ABCB1: variants seen among roughly 807,000 people sequenced by gnomAD.
ABCB1 encodes ATP binding cassette subfamily B member 1.
A neutral mutation model predicts 142.0 loss-of-function variants in ABCB1; 69 were observed. That is an observed-to-expected ratio of 0.49 (90% CI 0.40 to 0.59). The LOEUF is 0.59. Among genes scored for constraint, ABCB1 ranks in the 20% least tolerant of loss-of-function variants. The pLI, the probability that ABCB1 is intolerant of heterozygous loss-of-function variation, is 0.00. For synonymous variants in ABCB1, 532 were observed against 539.2 expected, an observed-to-expected ratio of 0.99 and a Z score of 0.18; for missense variants, 1,326 against 1,554.7, an observed-to-expected ratio of 0.85 and a Z score of 2.47.
At chr7:87,700,641 G>A in intron 1 of ABCB1, 1 of 1,255,208 alleles carries the variant, frequency 8.0e-7, no homozygotes, top group Non-Finnish European at 1.1e-6. Context: ...TACTTACTAT[G>A]AATTTCCTTT....
chr7:87,582,152 G>A (rs1818536434), intron 4 of ABCB1, among the ~76,000 whole-genome samples: 1 of 152,160 alleles, frequency 6.6e-6, no homozygotes, highest in African/African-American at 2.4e-5. Flanking sequence ...TGGAAGGATA[G>A]ACAATGGTGA....
chr7:87,506,326 T>C (rs1454257546), intron 26 of ABCB1, among the ~76,000 whole-genome samples: 1 of 152,234 alleles, frequency 6.6e-6, no homozygotes, highest in East Asian at 1.9e-4. Context: ...GTATCTTCCA[T>C]CTTCTGATTT....
Position 87,520,836 on chromosome 7 carries a change from G to A in ABCB1, c.2726C>T (p.Ser909Phe), listed in dbSNP as rs1815470928. The A allele has an allele frequency of 1.2e-6, 2 of 1,613,910 alleles. No individual in the cohort carries two copies. Among genetic ancestry groups the A allele is most frequent in the East Asian group, 4.5e-5 (2 of 44,854 alleles). ...TTCAAACTTCTGCTCCTGAGTCAAA[G>A]AAACAACGGTTCGGAAGTTTTCTAT... is the stretch of plus-strand genomic sequence containing the variant. ...EAIENFRTVV[S>F]LTQEQKFEHM... Residue 909 changes from serine (S) to phenylalanine (F), a missense_variant, in exon 22 of 28, where the codon TCT (serine) becomes TTT (phenylalanine). By Grantham distance (155) the Ser-to-Phe change is radical. Coordinates refer to ENST00000622132, the MANE Select transcript of ABCB1 (RefSeq NM_001348946.2).
intron 9 of ABCB1, 59 bp from the exon 10 acceptor site, chr7:87,550,897 A>G (rs2129714177): frequency 5.8e-6 from 6 of 1,041,706 alleles, no homozygotes; most frequent in Non-Finnish European, 7.6e-6. Context: ...ATTTTTTTTC[A>G]TACTTCTTCT....
intron 20 of ABCB1, 36 bp from the exon 21 acceptor site, chr7:87,531,533 T>C (rs1369496738): frequency 1.9e-6 from 3 of 1,588,508 alleles, no homozygotes; most frequent in Non-Finnish European, 1.7e-6. Context: ...ATTTTAAAAA[T>C]ATTATCTTCA....
chr7:87,624,638 T>TA (rs1301809516), intron 1 of ABCB1, among the ~76,000 whole-genome samples: 1 of 152,102 alleles, frequency 6.6e-6, no homozygotes, highest in Non-Finnish European at 1.5e-5. Flanking sequence ...CTTAAATAAA[T>TA]AAAAATAATT....
At chr7:87,593,529 AG>A (rs2129970063) in intron 3 of ABCB1, among the ~76,000 whole-genome samples, 1 of 152,338 alleles carries the variant, frequency 6.6e-6, no homozygotes, top group African/African-American at 2.4e-5. Context: ...CTGTATACAA[AG>A]GTTGGCCCTT....
chr7:87,585,025 T>C (rs541714090), intron 4 of ABCB1, among the ~76,000 whole-genome samples: 2 of 151,586 alleles, frequency 1.3e-5, no homozygotes, highest in South Asian at 2.1e-4. Context: ...GCCCAACATA[T>C]AACAATGTCC....
chr7:87,598,343 A>G (rs192109508), intron 2 of ABCB1, among the ~76,000 whole-genome samples: 2 of 152,198 alleles, frequency 1.3e-5, no homozygotes, highest in Admixed American at 1.3e-4. Flanking sequence ...GTTTTTGCAG[A>G]TATATTAATA....
intron 21 of ABCB1, 111 bp from the exon 22 acceptor site, chr7:87,520,987 T>C (rs1443154002): frequency 2.4e-6 from 2 of 817,868 alleles, no homozygotes; most frequent in African/African-American, 3.4e-5. Flanking sequence ...ATATTTATTA[T>C]TATGTATGAG....
chr7:87,688,687 A>G (rs1239519984), intron 1 of ABCB1, among the ~76,000 whole-genome samples: 2 of 151,922 alleles, frequency 1.3e-5, no homozygotes, highest in Non-Finnish European at 2.9e-5. Context: ...GTTTTAAAAC[A>G]TATGAAATAT....
At chr7:87,604,452 A>G (rs1474060269), upstream of ABCB1, among the ~76,000 whole-genome samples, 1 of 152,118 alleles carries the variant, frequency 6.6e-6, no homozygotes, top group Admixed American at 6.5e-5. Flanking sequence ...TTACAATAAC[A>G]CAATAATAAG....
Position 87,549,452 on chromosome 7 carries a change from T to C in ABCB1, c.1621A>G (p.Ile541Val), listed in dbSNP as rs1353480925. 1.9e-6 allele frequency: 3 copies of C among 1,614,204 alleles called. No homozygotes were observed. The highest frequency in any genetic ancestry group is 2.5e-6 in the Non-Finnish European group (3 of 1,180,034). The change falls in exon 14 of 28, where the codon ATT becomes GTT. Residue 541 changes from isoleucine to valine, a missense_variant. Transcript: ENST00000622132. ...GGGTTGCGAACCAGGGCACGTGCAA[T>C]GGCGATCCTCTGCTTCTGCCCACCA... ...LSGGQKQRIAIARALVRNPKI... is the reference protein window; with the variant it reads ...LSGGQKQRIAVARALVRNPKI...
chr7:87,577,595 C>T (rs954588996), intron 4 of ABCB1, among the ~76,000 whole-genome samples: 1 of 152,122 alleles, frequency 6.6e-6, no homozygotes, highest in Non-Finnish European at 1.5e-5. Context: ...TTTGTTATTG[C>T]CTATCTTTGG....
At chr7:87,606,155 G>T (rs1351107212) in intron 1 of ABCB1, among the ~76,000 whole-genome samples, 1 of 152,026 alleles carries the variant, frequency 6.6e-6, no homozygotes, top group Admixed American at 6.5e-5. Flanking sequence ...TAATAGAACC[G>T]AGCAAAAGAT....
chr7:87,660,923 A>G (rs1239601033), intron 1 of ABCB1, among the ~76,000 whole-genome samples: 1 of 151,902 alleles, frequency 6.6e-6, no homozygotes, highest in African/African-American at 2.4e-5. Flanking sequence ...TTTGGTTTGT[A>G]TGGTAGATTT....
At chr7:87,614,852 G>T (rs755262515) in intron 1 of ABCB1, among the ~76,000 whole-genome samples, 6 of 149,798 alleles carry the variant, frequency 4.0e-5, no homozygotes, top group African/African-American at 9.9e-5. Context: ...TTTTTTTGGT[G>T]GGGGGGGCCG....
At position 87,503,422 on chromosome 7, in the gene ABCB1, C is replaced by A. The variant is rs1814576865; in HGVS notation, c.*821G>T. The stretch of plus-strand genomic sequence containing the variant: ...TCAGAAGGATCACTTTTGGAAGAGG[C>A]CAATTACTGGCAAAAGTGATTCATT... On this transcript the variant is annotated 3_prime_UTR_variant, in exon 28 of 28. Coordinates refer to ENST00000622132, the MANE Select transcript of ABCB1 (RefSeq NM_001348946.2). Among the ~76,000 whole-genome samples the A allele has an allele frequency of 6.6e-6, 1 of 151,712 alleles. No individual in the cohort carries two copies. Among genetic ancestry groups the A allele is most frequent in the Non-Finnish European group, 1.5e-5 (1 of 67,942 alleles).
chr7:87,633,070 T>G (rs4148729), intron 1 of ABCB1, among the ~76,000 whole-genome samples: 7,342 of 152,276 alleles, frequency 0.048, 259 homozygotes, highest in East Asian at 0.09. Context: ...TGATATTATT[T>G]CAGAACTTGA....
Sources: allele counts gnomAD v4.1 joint callset (sites outside exome capture counted in the v4.1 genomes callset), GRCh38; gene constraint gnomAD v4.1.1; transcripts MANE v1.5; gene names NCBI Gene and HGNC (gene_info 2026-07-23, HGNC 2026-07-21).